Variants in EYS observed in about 807,000 individuals in gnomAD.
EYS encodes the protein EGF-like photoreceptor maintenance factor, also known as protein eyes shut homolog.
In EYS, 250 loss-of-function variants were observed where a neutral mutation model predicts 282.1. The observed-to-expected ratio is 0.89, with a 90% CI of 0.80 to 0.98. The LOEUF (loss-of-function observed/expected upper bound fraction) is 0.98. EYS is among the 50% of genes least tolerant of loss of function. EYS has a pLI of 0.00. For synonymous variants in EYS, 1,355 were observed against 1,282.9 expected, an observed-to-expected ratio of 1.06 and a Z score of -1.20; for missense variants, 4,016 against 3,709.0, an observed-to-expected ratio of 1.08 and a Z score of -2.15.
chr6:64,296,541 A>AATATATATATATAT (rs1211614579), intron 30 of EYS, among the ~76,000 whole-genome samples: 4 of 15,706 alleles, frequency 2.5e-4, no homozygotes, highest in South Asian at 3.1e-3. Flanking sequence ...GTACTGGCAG[A>AATATATATATATAT]ATATATATAT....
At chr6:64,627,953 T>G (rs1331120672) in intron 22 of EYS, among the ~76,000 whole-genome samples, 1 of 152,046 alleles carries the variant, frequency 6.6e-6, no homozygotes. Context: ...GGTGGCGGGC[T>G]TCTGTAGTCC....
At chr6:65,210,656 T>C (rs1449306076) in intron 12 of EYS, among the ~76,000 whole-genome samples, 1 of 151,888 alleles carries the variant, frequency 6.6e-6, no homozygotes, top group Non-Finnish European at 1.5e-5. Flanking sequence ...TAGTGTATTA[T>C]AGAGGAAAAC....
At position 63,775,358 on chromosome 6, in the gene EYS, A is replaced by G. The variant is rs567869717; in HGVS notation, c.7898+2648T>C. ...TGAGTTGTTGTTTTAAATTTATAAC[A>G]TTAAACTGTTCATTGTTAAGACCCT... On this transcript the variant is annotated intron_variant, in intron 40 of 42. Coordinates refer to ENST00000503581, the MANE Select transcript of EYS (RefSeq NM_001142800.2). Among the ~76,000 whole-genome samples the G allele has an allele frequency of 3.3e-5, 5 of 152,346 alleles. No homozygotes were observed. In the South Asian group the frequency reaches 6.2e-4, roughly 19 times the overall value.
chr6:64,101,513 AC>A (rs1324868101), intron 31 of EYS, among the ~76,000 whole-genome samples: 1 of 151,784 alleles, frequency 6.6e-6, no homozygotes, highest in Non-Finnish European at 1.5e-5. Flanking sequence ...GAGAACAAAA[AC>A]AAAAATAGAA....
At chr6:64,979,456 T>C (rs1569926) in intron 14 of EYS, among the ~76,000 whole-genome samples, 144,720 of 151,630 alleles carry the variant, frequency 0.95, 69,154 homozygotes, top group African/African-American at 0.99. Context: ...AAAAGAGGAA[T>C]CATAATGGCT....
rs569240756 is a variant in EYS, at chr6:64,559,712, A to C, written c.5644+30511T>G. ...GTATTACATAAAGATTAAACAACTT[A>C]GAATTTTTGAAAATGCATACACATT... On this transcript the variant is annotated intron_variant, in intron 26 of 42. Coordinates refer to ENST00000503581, the MANE Select transcript of EYS (RefSeq NM_001142800.2). Among the ~76,000 whole-genome samples the C allele has an allele frequency of 7.2e-5, 11 of 152,250 alleles. No individual in the cohort carries two copies. In the East Asian group the frequency reaches 1.3e-3, roughly 19 times the overall value.
chr6:64,393,162 C>T (rs1372670788), intron 28 of EYS, among the ~76,000 whole-genome samples: 1 of 152,070 alleles, frequency 6.6e-6, no homozygotes, highest in African/African-American at 2.4e-5. Flanking sequence ...CAAAAAGAGT[C>T]CAGGACCAGA....
rs1188165457 is a variant in EYS, at chr6:64,221,521, A to G, written c.6424+9071T>C. 2.1e-4 allele frequency among the ~76,000 whole-genome samples: 32 copies of G among 152,076 alleles called. 1 individual carries two copies. The highest frequency in any genetic ancestry group is 2.1e-3 in the Admixed American group (32 of 15,236). ...ACCATTAAATTTCTGTTTATTATAA[A>G]TTACCTAGTCTGTGGTATTCTGTTA... is the stretch of plus-strand genomic sequence containing the variant. On this transcript the variant is annotated intron_variant, in intron 31 of 42. Coordinates refer to ENST00000503581, the MANE Select transcript of EYS (RefSeq NM_001142800.2).
intron 12 of EYS, among the ~76,000 whole-genome samples, chr6:65,247,869 A>C (rs752049043): frequency 6.6e-6 from 1 of 152,042 alleles, no homozygotes; most frequent in Non-Finnish European, 1.5e-5. Flanking sequence ...ATCAGAATAA[A>C]ATTTGACCAA....
chr6:64,662,154 G>A (rs1382924325), intron 22 of EYS, among the ~76,000 whole-genome samples: 1 of 146,914 alleles, frequency 6.8e-6, no homozygotes, highest in Non-Finnish European at 1.5e-5. Context: ...AACACCACAT[G>A]TTCTCACTCA....
At chr6:64,570,957 C>T (rs1765706620) in intron 26 of EYS, among the ~76,000 whole-genome samples, 1 of 152,102 alleles carries the variant, frequency 6.6e-6, no homozygotes, top group South Asian at 2.1e-4. Flanking sequence ...AACTCTCCAC[C>T]CCAGATCAAC....
intron 35 of EYS, among the ~76,000 whole-genome samples, chr6:63,972,982 G>A (rs1393011249): frequency 2.0e-5 from 3 of 152,010 alleles, no homozygotes. Flanking sequence ...ATTGTGAATA[G>A]TGCTGCAATA....
At chr6:65,636,125 T>C (rs1237735275) in intron 2 of EYS, among the ~76,000 whole-genome samples, 3 of 152,218 alleles carry the variant, frequency 2.0e-5, no homozygotes, top group Non-Finnish European at 4.4e-5. Context: ...CTTGTCTTAT[T>C]TGGCCTATTC....
intron 29 of EYS, among the ~76,000 whole-genome samples, chr6:64,352,903 C>A (rs778141161): frequency 3.3e-5 from 5 of 151,470 alleles, no homozygotes; most frequent in Non-Finnish European, 5.9e-5. Flanking sequence ...TTATACAGTT[C>A]ATTCTAATGG....
intron 33 of EYS, among the ~76,000 whole-genome samples, chr6:64,008,175 T>C (rs1167984304): frequency 6.6e-6 from 1 of 152,236 alleles, no homozygotes. Context: ...GGTGCATATA[T>C]ATTTAGAATG....
chr6:65,663,992 C>T (rs961315341), intron 1 of EYS, among the ~76,000 whole-genome samples: 4 of 150,584 alleles, frequency 2.7e-5, no homozygotes, highest in Non-Finnish European at 5.9e-5. Flanking sequence ...CTGCCTCAGT[C>T]CCCAGAATAG....
intron 31 of EYS, among the ~76,000 whole-genome samples, chr6:64,200,269 T>C (rs1765423670): frequency 6.6e-6 from 1 of 152,006 alleles, no homozygotes; most frequent in Non-Finnish European, 1.5e-5. Context: ...CGTGACATGA[T>C]ACATTTGCCA....
At chr6:64,516,234 A>C (rs1166694193) in intron 26 of EYS, among the ~76,000 whole-genome samples, 2 of 151,374 alleles carry the variant, frequency 1.3e-5, no homozygotes, top group African/African-American at 2.4e-5. Flanking sequence ...TAATACCTGT[A>C]GGATGAAATA....
At chr6:65,278,281 C>CTA (rs962775047) in intron 12 of EYS, among the ~76,000 whole-genome samples, 4 of 43,730 alleles carry the variant, frequency 9.1e-5, no homozygotes, top group African/African-American at 1.8e-4. Context: ...CATATATATT[C>CTA]TATATATATA....
Sources: allele counts gnomAD v4.1 joint callset (sites outside exome capture counted in the v4.1 genomes callset), GRCh38; gene constraint gnomAD v4.1.1; transcripts MANE v1.5; gene names NCBI Gene and HGNC (gene_info 2026-07-23, HGNC 2026-07-21).